The following HIBADH variants were observed in gnomAD, a reference collection of about 807,000 sequenced individuals.
HIBADH encodes 3-hydroxyisobutyrate dehydrogenase, mitochondrial.
In HIBADH, 25 loss-of-function variants were observed where a neutral mutation model predicts 36.1. That is an observed-to-expected ratio of 0.69 (90% CI 0.50 to 0.97). HIBADH has a LOEUF of 0.97. Ranked by LOEUF, HIBADH falls within the 50% of genes least tolerant of loss-of-function variation. HIBADH has a pLI of 0.00. For synonymous variants in HIBADH, 160 were observed against 149.5 expected (o/e 1.07, Z -0.51); for missense variants, 421 against 418.0 (o/e 1.01, Z -0.06).
At chr7:27,555,302 CTTTTTT>C (rs3072856) in intron 4 of HIBADH, among the ~76,000 whole-genome samples, 101 of 127,408 alleles carry the variant, frequency 7.9e-4, no homozygotes, top group African/African-American at 2.7e-3. Context: ...TCTTGCTCTA[CTTTTTT>C]TTTTTTTTTT....
intron 4 of HIBADH, among the ~76,000 whole-genome samples, chr7:27,580,754 T>C (rs1784775824): frequency 6.6e-6 from 1 of 152,168 alleles, no homozygotes. Flanking sequence ...CTTTGGTCTG[T>C]GGAGTTTACA....
At chr7:27,542,680 G>A (rs964454198) in intron 5 of HIBADH, among the ~76,000 whole-genome samples, 1 of 151,846 alleles carries the variant, frequency 6.6e-6, no homozygotes, top group African/African-American at 2.4e-5. Flanking sequence ...TCAAACTCCT[G>A]GGCTTGAGTG....
chr7:27,557,733 G>A (rs530673871), intron 4 of HIBADH, among the ~76,000 whole-genome samples: 2 of 152,264 alleles, frequency 1.3e-5, no homozygotes, highest in South Asian at 4.1e-4. Context: ...TCCCATTCAG[G>A]AAAGGAGGAA....
chr7:27,595,498 C>CTGCACTCCA (rs1785017093), intron 4 of HIBADH, among the ~76,000 whole-genome samples: 1 of 151,478 alleles, frequency 6.6e-6, no homozygotes, highest in African/African-American at 2.4e-5. Flanking sequence ...GATTGTGACA[C>CTGCACTCCA]TGCACTCCAG....
At chr7:27,530,251 G>A (rs1783971946) in intron 7 of HIBADH, among the ~76,000 whole-genome samples, 2 of 151,928 alleles carry the variant, frequency 1.3e-5, no homozygotes, top group Admixed American at 1.3e-4. Context: ...TGTTGCCCAG[G>A]CTGGAGTGCA....
At chr7:27,527,553 C>A (rs1192551861) in intron 7 of HIBADH, among the ~76,000 whole-genome samples, 1 of 152,146 alleles carries the variant, frequency 6.6e-6, no homozygotes, top group Non-Finnish European at 1.5e-5. Flanking sequence ...CTTTATCATG[C>A]TTCACAGATA....
chr7:27,592,691 C>T (rs1784958720), intron 4 of HIBADH, among the ~76,000 whole-genome samples: 1 of 152,180 alleles, frequency 6.6e-6, no homozygotes, highest in African/African-American at 2.4e-5. Context: ...TGTGCCTGGA[C>T]TACTACAAAT....
At chr7:27,638,318 A>AAAAAC (rs1554300509) in intron 2 of HIBADH, among the ~76,000 whole-genome samples, 1 of 148,536 alleles carries the variant, frequency 6.7e-6, no homozygotes, top group Admixed American at 6.7e-5. Context: ...CAAAAAAAAA[A>AAAAAC]AAAAAAAAAA....
chr7:27,625,975 G>A (rs1373705524), intron 4 of HIBADH, among the ~76,000 whole-genome samples: 6 of 151,942 alleles, frequency 3.9e-5, no homozygotes, highest in South Asian at 2.1e-4. Context: ...GGTGGCAGGC[G>A]CCTGTAATCT....
chr7:27,639,503 T>C (rs930616498), intron 2 of HIBADH, among the ~76,000 whole-genome samples: 1 of 152,150 alleles, frequency 6.6e-6, no homozygotes, highest in African/African-American at 2.4e-5. Flanking sequence ...GCTTATTACC[T>C]GGGTGGCAAA....
At chr7:27,533,925 G>C (rs1473407653) in intron 6 of HIBADH, among the ~76,000 whole-genome samples, 2 of 152,190 alleles carry the variant, frequency 1.3e-5, no homozygotes, top group Admixed American at 6.5e-5. Context: ...GCCATCAAAA[G>C]AATGACAGTC....
chr7:27,563,144 T>C (rs1784492157), intron 4 of HIBADH, among the ~76,000 whole-genome samples: 1 of 152,342 alleles, frequency 6.6e-6, no homozygotes, highest in South Asian at 2.1e-4. Flanking sequence ...TCCAGGATGT[T>C]ATATGAACAT....
At chr7:27,595,579 GGT>G (rs3219776) in intron 4 of HIBADH, among the ~76,000 whole-genome samples, 60,602 of 143,048 alleles carry the variant, frequency 0.42, 12,883 homozygotes, top group East Asian at 0.66. Flanking sequence ...CATAAGGGCA[GGT>G]GTGTGTGTGT....
At chr7:27,613,636 G>GT (rs1399178856) in intron 4 of HIBADH, among the ~76,000 whole-genome samples, 1 of 140,932 alleles carries the variant, frequency 7.1e-6, no homozygotes. Flanking sequence ...ATCTAGTGGG[G>GT]TTTTTTGTTG....
intron 4 of HIBADH, among the ~76,000 whole-genome samples, chr7:27,607,516 A>G: frequency 6.6e-6 from 1 of 152,178 alleles, no homozygotes; most frequent in Middle Eastern, 3.2e-3. Flanking sequence ...CTCAAAAAAA[A>G]ACAAAAAAAG....
At chr7:27,637,304 G>A (rs999234164) in intron 2 of HIBADH, among the ~76,000 whole-genome samples, 5 of 152,064 alleles carry the variant, frequency 3.3e-5, no homozygotes, top group East Asian at 1.9e-4. Context: ...GTTTGGTTCC[G>A]GGGTTTATAT....
chr7:27,571,598 C>T (rs1016798470), intron 4 of HIBADH, among the ~76,000 whole-genome samples: 56 of 152,042 alleles, frequency 3.7e-4, no homozygotes, highest in African/African-American at 1.3e-3. Context: ...ATCTACAGTT[C>T]GTAGAGATTG....
At chr7:27,533,876 A>G (rs891988726) in intron 6 of HIBADH, among the ~76,000 whole-genome samples, 2 of 152,212 alleles carry the variant, frequency 1.3e-5, no homozygotes, top group Admixed American at 1.3e-4. Context: ...TACTTTCTGC[A>G]TAAGAGCCCC....
chr7:27,636,504 G>A (rs1785843632), intron 2 of HIBADH, among the ~76,000 whole-genome samples: 1 of 152,220 alleles, frequency 6.6e-6, no homozygotes, highest in Non-Finnish European at 1.5e-5. Context: ...GGCTTTTAAA[G>A]CTCTCATTTA....
Sources: gnomAD v4.1 joint callset for allele counts (sites outside exome capture counted in the v4.1 genomes callset) on GRCh38, gnomAD v4.1.1 for gene constraint, MANE v1.5 for transcripts, NCBI Gene and HGNC (gene_info 2026-07-23, HGNC 2026-07-21) for gene names.